The following SEMA7A variants were observed in gnomAD, a reference collection of about 807,000 sequenced individuals.
The protein encoded by SEMA7A is semaphorin 7A (JohnMiltonHagen blood group), also known as semaphorin-7A.
SEMA7A carries 21 observed loss-of-function variants against 67.5 expected under a neutral mutation model. The observed-to-expected ratio is 0.31, with a 90% CI of 0.22 to 0.45. SEMA7A has a LOEUF of 0.45. SEMA7A is among the 20% of genes least tolerant of loss of function. The pLI, the probability that SEMA7A is intolerant of heterozygous loss-of-function variation, is 1.00. For missense variants in SEMA7A, 774 were observed against 908.6 expected (o/e 0.85, Z 1.90); for synonymous variants, 364 against 368.5 (o/e 0.99, Z 0.14).
At chr15:74,419,251 G>T (rs1169720670) in intron 1 of SEMA7A, among the ~76,000 whole-genome samples, 1 of 152,112 alleles carries the variant, frequency 6.6e-6, no homozygotes, top group African/African-American at 2.4e-5. Flanking sequence ...AAGGATTTAG[G>T]GACCTCTTGG....
intron 1 of SEMA7A, among the ~76,000 whole-genome samples, chr15:74,430,348 C>G (rs956537396): frequency 6.6e-6 from 1 of 152,180 alleles, no homozygotes; most frequent in Non-Finnish European, 1.5e-5. Context: ...CCAGCCCCTC[C>G]CATCCCAGAG....
At position 74,409,512 on chromosome 15, in the gene SEMA7A, A is replaced by G. The variant is rs2060880550; in HGVS notation, c.*1112T>C. Reference sequence around the variant, plus strand: ...AGGCCATCCCCACCGGAATTTTCACAGTTTAGCCTAAGTTATAACATGTCC... The same window carrying G: ...AGGCCATCCCCACCGGAATTTTCACGGTTTAGCCTAAGTTATAACATGTCC... On this transcript the variant is annotated 3_prime_UTR_variant, in exon 14 of 14. Transcript: ENST00000261918. The G allele has an allele frequency of 6.6e-6, 1 of 152,246 alleles. No homozygotes were observed. The highest frequency in any genetic ancestry group is 6.5e-5 in the Admixed American group (1 of 15,282). 9.4% of individuals were successfully genotyped at this position (152,246 alleles called of 1,614,324 possible).
In SEMA7A at chr15:74,411,447, G is replaced by A. The variant is rs780722887; in HGVS notation, c.1578-91C>T. On this transcript the variant is annotated intron_variant, in intron 12 of 13. Coordinates refer to ENST00000261918, the MANE Select transcript of SEMA7A (RefSeq NM_003612.5). This position sits in a 1 kb window ranked among gnomAD's most constrained non-coding sequence, Gnocchi z 4.4. ...ACCCCAGTGCAGTTCCAGCAGAGAG[G>A]AGGGTCCCACAAGAAAGGCCCAGTA... The A allele has an allele frequency of 5.8e-6, 9 of 1,552,010 alleles. No individual in the cohort carries two copies. The East Asian group carries it at 6.8e-5, about 12-fold the overall frequency.
At chr15:74,418,092 TC>T in intron 3 of SEMA7A, 123 bp from the exon 4 acceptor site, 1 of 1,229,974 alleles carries the variant, frequency 8.1e-7, no homozygotes, top group Non-Finnish European at 1.2e-6. Context: ...GGTGACAGCC[TC>T]CCGGGACAGC....
chr15:74,433,786 G>A lies in SEMA7A; in HGVS notation c.133C>T (p.Gln45Ter). The change falls in exon 1 of 14, where the codon CAG becomes TAG. Residue 45 changes from glutamine (Q) to a stop codon, truncating the protein, a stop_gained. Coordinates refer to ENST00000261918, the MANE Select transcript of SEMA7A (RefSeq NM_003612.5). LOFTEE classifies it high-confidence loss of function. ...LLLWAAAASAQGHLRSGPRIF... is the reference protein window; with the variant it reads ...LLLWAAAASA ...CGGGGTCCGCTCCTTAGGTGGCCCTGGGCGGAGGCGGCGGCCGCCCAGAGC... is the reference window on the plus strand; with the variant it reads ...CGGGGTCCGCTCCTTAGGTGGCCCTAGGCGGAGGCGGCGGCCGCCCAGAGC... 1 of 1,433,264 alleles carries A rather than the reference G, an allele frequency of 7.0e-7. No homozygotes were observed. Among genetic ancestry groups the A allele is most frequent in the South Asian group, 1.4e-5 (1 of 71,740 alleles). The allele number at this position is 1,433,264 out of a possible 1,614,324, so 88.8% of individuals were successfully genotyped here.
chr15:74,425,398 G>C (rs1214549973), intron 1 of SEMA7A, among the ~76,000 whole-genome samples: 3 of 152,158 alleles, frequency 2.0e-5, no homozygotes, highest in Non-Finnish European at 4.4e-5. Flanking sequence ...GCTAGTAAGG[G>C]GTGGAGCAGA....
intron 1 of SEMA7A, among the ~76,000 whole-genome samples, chr15:74,425,199 G>A (rs2061033865): frequency 1.3e-5 from 2 of 152,222 alleles, no homozygotes; most frequent in African/African-American, 4.8e-5. Context: ...CGACGATGAT[G>A]ATGCCCCTAC....
intron 8 of SEMA7A, 80 bp from the exon 9 acceptor site, chr15:74,415,026 C>T: frequency 2.5e-6 from 3 of 1,203,106 alleles, no homozygotes; most frequent in Non-Finnish European, 3.6e-6. Flanking sequence ...CAGCCTTGTG[C>T]CTGGCACTGA....
chr15:74,425,481 G>A (rs2061036854), intron 1 of SEMA7A, among the ~76,000 whole-genome samples: 1 of 152,138 alleles, frequency 6.6e-6, no homozygotes, highest in Admixed American at 6.5e-5. Flanking sequence ...GCCCTTGGAG[G>A]CTTCCAAGGT....
In SEMA7A at chr15:74,428,242, G is replaced by A. The variant is rs531398134; in HGVS notation, c.178+5499C>T. Among the ~76,000 whole-genome samples the A allele has an allele frequency of 2.1e-4, 32 of 152,328 alleles. 1 individual carries two copies. The South Asian group carries it at 5.8e-3, about 28-fold the overall frequency. The stretch of plus-strand genomic sequence containing the variant: ...GACAGCACTGGGGCGGGAAGAGTCT[G>A]GGCCCAACTGGGCTAGCAGAGGAGG... On this transcript the variant is annotated intron_variant, in intron 1 of 13. Transcript: ENST00000261918.
chr15:74,418,708 AAG>A lies in SEMA7A; in HGVS notation c.330+91_330+92del. On this transcript the variant is annotated intron_variant, in intron 2 of 13. Transcript: ENST00000261918. ...GGAGGTGGGGGCAGTTTAGGAAGAG[AAG>A]CCAGCTCCCTCGGATTCCCTGAGGA... 6 of 1,439,514 alleles carry A rather than the reference AAG, an allele frequency of 4.2e-6. No homozygotes were observed. The South Asian group carries it at 7.8e-5, about 19-fold the overall frequency. The allele number at this position is 1,439,514 out of a possible 1,614,324, so 89.2% of individuals were successfully genotyped here. A position where few individuals can be genotyped will look rare whatever the true frequency, so the allele number is the denominator to read the frequency against.
Position 74,417,914 on chromosome 15 carries a change from C to G in SEMA7A, c.428G>C (p.Cys143Ser). ...GCTGGGGTGCCGGGCGTTGGTGCCA[C>G]AGGCCAGCAGCCCCTCACTCCGCCT... ...LERRSEGLLA[C>S]GTNARHPSCW... The change falls in exon 4 of 14, where the codon TGT (cysteine) becomes TCT (serine). Residue 143 changes from cysteine (C) to serine (S), a missense_variant. Coordinates refer to ENST00000261918, the MANE Select transcript of SEMA7A (RefSeq NM_003612.5). 6.2e-7 allele frequency: 1 copy of G among 1,613,370 alleles called. No individual in the cohort carries two copies. The highest frequency in any genetic ancestry group is 8.5e-7 in the Non-Finnish European group (1 of 1,180,006).
Position 74,411,632 on chromosome 15 carries a change from G to A in SEMA7A, c.1501C>T (p.His501Tyr). ...GGGTCTCGGGACATGAGGCAACCGT[G>A]GCAGCCCCCGCCATAGACCTCACAC... ...DLCEVYGGGCHGCLMSRDPYC... is the reference protein window; with the variant it reads ...DLCEVYGGGCYGCLMSRDPYC... The change falls in exon 12 of 14, where the codon CAC becomes TAC. Residue 501 changes from histidine (H) to tyrosine (Y), a missense_variant. This residue lies in a region of SEMA7A where 427 missense variants were observed against 555.4 expected (regional missense o/e 0.77). Coordinates refer to ENST00000261918, the MANE Select transcript of SEMA7A (RefSeq NM_003612.5). The surrounding 1 kb of genome is among the most constrained non-coding windows in gnomAD (Gnocchi z 4.4). 4.3e-6 allele frequency: 7 copies of A among 1,610,280 alleles called. No homozygotes were observed. The highest frequency in any genetic ancestry group is 5.9e-6 in the Non-Finnish European group (7 of 1,178,462).
chr15:74,417,852 G>A, intron 4 of SEMA7A, 25 bp downstream of exon 4: 1 of 1,611,792 alleles, frequency 6.2e-7, no homozygotes, highest in Non-Finnish European at 8.5e-7. Context: ...GAGCTGATCA[G>A]GCACATGGGG....
intron 1 of SEMA7A, 121 bp from the exon 2 acceptor site, chr15:74,419,073 G>A (rs1438398770): frequency 2.6e-6 from 3 of 1,154,948 alleles, no homozygotes; most frequent in African/African-American, 1.6e-5. Context: ...CAGGGCGTCA[G>A]ACAAGCTCTG....
In SEMA7A at chr15:74,411,889, T is replaced by C. The variant is rs771078590; in HGVS notation, c.1418A>G (p.Glu473Gly). The C allele has an allele frequency of 3.0e-5, 49 of 1,613,694 alleles. No individual in the cohort carries two copies. The highest frequency in any genetic ancestry group is 8.3e-5 in the Admixed American group (5 of 60,002). Reference sequence around the variant, plus strand: ...ACGCAGTGGGGGAAGGCTCACCCGCTCAGCATCCAGCGACATGGTCTGGAT... The same window carrying C: ...ACGCAGTGGGGGAAGGCTCACCCGCCCAGCATCCAGCGACATGGTCTGGAT... ...AAIQTMSLDA[E>G]RRKLYVSSQW... The change falls in exon 11 of 14, where the codon GAG (glutamate) becomes GGG (glycine). Residue 473 changes from glutamate to glycine, a missense_variant. This residue lies in a region of SEMA7A where 427 missense variants were observed against 555.4 expected (regional missense o/e 0.77). Coordinates refer to ENST00000261918, the MANE Select transcript of SEMA7A (RefSeq NM_003612.5). The surrounding 1 kb of genome is among the most constrained non-coding windows in gnomAD (Gnocchi z 4.4).
At position 74,417,633 on chromosome 15, in the gene SEMA7A, C is replaced by T. The variant is rs1178776027; in HGVS notation, c.508G>A (p.Ala170Thr). The T allele has an allele frequency of 2.5e-6, 4 of 1,612,516 alleles. No homozygotes were observed. Among genetic ancestry groups the T allele is most frequent in the Admixed American group, 1.7e-5 (1 of 59,972 alleles). The change falls in exon 5 of 14, where the codon GCC becomes ACC. Residue 170 changes from alanine (A) to threonine (T), a missense_variant. Around this residue, in one of 2 missense-constraint regions of SEMA7A, gnomAD observed 347 missense variants for 353.2 expected, o/e 0.98. Transcript: ENST00000261918. Reference sequence around the variant, plus strand: ...GAGTTCTCGTCCGGGCTGAAGGGGGCGTAGCCTCTCATCTCGCCAAGTGGC... The same window carrying T: ...GAGTTCTCGTCCGGGCTGAAGGGGGTGTAGCCTCTCATCTCGCCAAGTGGC... ...VVPLGEMRGY[A>T]PFSPDENSLV...
chr15:74,432,066 T>C (rs945927062), intron 1 of SEMA7A, among the ~76,000 whole-genome samples: 11 of 116,120 alleles, frequency 9.5e-5, no homozygotes, highest in African/African-American at 3.5e-4. Flanking sequence ...ATGCATTAAG[T>C]GCTAAGAAGT....
At position 74,415,798 on chromosome 15, in the gene SEMA7A, C is replaced by T. The variant is rs2060942997; in HGVS notation, c.986+3G>A. On this transcript the variant is annotated splice_donor_region_variant and intron_variant, in intron 8 of 13. Transcript: ENST00000261918. ...CCCCGGCCCCAGGACAAGGGCCACT[C>T]ACCAGGGGTTGGAGAAAACACCATA... 5 of 1,610,876 alleles carry T rather than the reference C, an allele frequency of 3.1e-6. No homozygotes were observed. Among genetic ancestry groups the T allele is most frequent in the Non-Finnish European group, 4.2e-6 (5 of 1,178,496 alleles).
Sources: allele counts gnomAD v4.1 joint callset (sites outside exome capture counted in the v4.1 genomes callset), GRCh38; gene constraint gnomAD v4.1.1; regional missense constraint gnomAD v4.1.1; non-coding constraint Gnocchi (gnomAD v3.1); transcripts MANE v1.5; gene names NCBI Gene and HGNC (gene_info 2026-07-23, HGNC 2026-07-21).